The following PTCSC3 variants were observed in gnomAD, a reference collection of about 807,000 sequenced individuals.
The protein encoded by PTCSC3 is papillary thyroid carcinoma susceptibility candidate 3.
At position 36,138,964 on chromosome 14, in the gene PTCSC3, A is replaced by G. The variant is rs560685552; in HGVS notation, n.323-2608T>C. Among the ~76,000 whole-genome samples the G allele has an allele frequency of 1.7e-3, 257 of 152,098 alleles. 2 individuals carry two copies. The highest frequency in any genetic ancestry group is 2.0e-3 in the Non-Finnish European group (139 of 67,978). On this transcript the variant is annotated intron_variant and non_coding_transcript_variant, in intron 3 of 3. Coordinates refer to ENST00000556013, the Ensembl canonical transcript of PTCSC3. ...CCCGTCTCTACTAAAAATACAAAAA[A>G]TTAGCTGGGCGTGGTGGCAGGTGCC...
At chr14:36,150,315 AG>A (rs1370491963) in intron 3 of PTCSC3, among the ~76,000 whole-genome samples, 1 of 152,188 alleles carries the variant, frequency 6.6e-6, no homozygotes, top group Non-Finnish European at 1.5e-5. Context: ...AAGAGGCCCA[AG>A]GCACTTTGTT....
chr14:36,144,024 G>A (rs548625258), intron 3 of PTCSC3, among the ~76,000 whole-genome samples: 1 of 152,220 alleles, frequency 6.6e-6, no homozygotes, highest in East Asian at 1.9e-4. Context: ...CTATATATCT[G>A]TTTTGGTACC....
intron 3 of PTCSC3, among the ~76,000 whole-genome samples, chr14:36,137,364 G>C (rs184577540): frequency 1.6e-4 from 25 of 152,282 alleles, no homozygotes; most frequent in Admixed American, 6.5e-4. Context: ...GGGTCTTGCA[G>C]CTTATGTAAG....
chr14:36,175,391 TC>T (rs1259603340), intron 1 of PTCSC3, among the ~76,000 whole-genome samples: 1 of 152,204 alleles, frequency 6.6e-6, no homozygotes, highest in Non-Finnish European at 1.5e-5. Context: ...GTATCAGTCA[TC>T]CCATTATGGT....
chr14:36,136,092 A>C (rs1881281694), downstream of PTCSC3: 1 of 152,166 alleles, frequency 6.6e-6, no homozygotes, highest in Admixed American at 6.5e-5. Context: ...TGGGAGAAAG[A>C]TGTAGGCTCA....
intron 2 of PTCSC3, among the ~76,000 whole-genome samples, chr14:36,162,301 C>A (rs1881981512): frequency 6.7e-6 from 1 of 149,576 alleles, no homozygotes; most frequent in Admixed American, 6.6e-5. Flanking sequence ...GCAGCCAGCT[C>A]AGTGTCTGCC....
At chr14:36,157,390 G>C (rs1365040053) in intron 2 of PTCSC3, among the ~76,000 whole-genome samples, 1 of 152,134 alleles carries the variant, frequency 6.6e-6, no homozygotes, top group Non-Finnish European at 1.5e-5. Context: ...CTGTGCAGAA[G>C]CTCTTTAGTT....
At chr14:36,166,323 C>G (rs1049597461) in intron 1 of PTCSC3, among the ~76,000 whole-genome samples, 9 of 152,254 alleles carry the variant, frequency 5.9e-5, no homozygotes, top group South Asian at 2.1e-4. Flanking sequence ...AAACATATTC[C>G]TAGCAGAGTG....
rs565872932 is a variant in PTCSC3 at position 36,142,877 on chromosome 14, A to C, written n.323-6521T>G. Among the ~76,000 whole-genome samples the C allele has an allele frequency of 1.4e-3, 204 of 141,754 alleles. 1 individual carries two copies. The highest frequency in any genetic ancestry group is 5.2e-3 in the African/African-American group (196 of 37,650). The allele number at this position is 141,754 out of a possible 152,430, so 93.0% of individuals were successfully genotyped here. A position where few individuals can be genotyped will look rare whatever the true frequency, so the allele number is the denominator to read the frequency against. On this transcript the variant is annotated intron_variant and non_coding_transcript_variant, in intron 3 of 3. Coordinates refer to ENST00000556013, the Ensembl canonical transcript of PTCSC3. ...CTGTGTCCATGTGATTTCATTGTTCAGTTCCCACCTATGAGTGAGAATATG... is the reference window on the plus strand; with the variant it reads ...CTGTGTCCATGTGATTTCATTGTTCCGTTCCCACCTATGAGTGAGAATATG...
chr14:36,172,945 T>TTAA (rs1566512522), intron 1 of PTCSC3, among the ~76,000 whole-genome samples: 2 of 150,030 alleles, frequency 1.3e-5, no homozygotes, highest in East Asian at 3.8e-4. Context: ...AAACTTGCTT[T>TTAA]GTTTTTTTTT....
chr14:36,171,676 C>T (rs928743079), intron 1 of PTCSC3, among the ~76,000 whole-genome samples: 2 of 152,022 alleles, frequency 1.3e-5, no homozygotes, highest in Non-Finnish European at 1.5e-5. Flanking sequence ...CAGTTTCAAC[C>T]CCGGGGGAAA....
chr14:36,169,920 T>A (rs1038699063), intron 1 of PTCSC3, among the ~76,000 whole-genome samples: 6 of 152,178 alleles, frequency 3.9e-5, no homozygotes, highest in African/African-American at 1.2e-4. Context: ...TAAATACTTA[T>A]GGTACTATGT....
At chr14:36,152,902 AAAAAAAAAG>A (rs1881754334) in intron 3 of PTCSC3, among the ~76,000 whole-genome samples, 1 of 151,500 alleles carries the variant, frequency 6.6e-6, no homozygotes, top group African/African-American at 2.4e-5. Flanking sequence ...TCGAAAGGAA[AAAAAAAAAG>A]AAAGAAAGAA....
chr14:36,168,922 G>C (rs1161030263), intron 1 of PTCSC3, among the ~76,000 whole-genome samples: 1 of 152,128 alleles, frequency 6.6e-6, no homozygotes, highest in Non-Finnish European at 1.5e-5. Context: ...TGCCTGGCTA[G>C]AAAGATTTTA....
At chr14:36,167,689 C>T (rs1274076480) in intron 1 of PTCSC3, among the ~76,000 whole-genome samples, 1 of 152,090 alleles carries the variant, frequency 6.6e-6, no homozygotes, top group African/African-American at 2.4e-5. Flanking sequence ...TCATCCAACA[C>T]AATAAAATAA....
chr14:36,173,560 T>A (rs1882227004), intron 1 of PTCSC3, among the ~76,000 whole-genome samples: 1 of 142,874 alleles, frequency 7.0e-6, no homozygotes. Context: ...GACAGTTAAC[T>A]CTTAGGTAGA....
At chr14:36,170,760 A>G (rs1882178047) in intron 1 of PTCSC3, among the ~76,000 whole-genome samples, 1 of 152,060 alleles carries the variant, frequency 6.6e-6, no homozygotes, top group African/African-American at 2.4e-5. Context: ...TGGTCTAGGA[A>G]ATAAAGGGGC....
intron 1 of PTCSC3, among the ~76,000 whole-genome samples, chr14:36,167,310 TC>T (rs1882108734): frequency 6.6e-6 from 1 of 152,176 alleles, no homozygotes; most frequent in South Asian, 2.1e-4. Context: ...AGGTTTTTTT[TC>T]CCTTTCTCTG....
chr14:36,140,947 A>G (rs1027345426), intron 3 of PTCSC3, among the ~76,000 whole-genome samples: 2 of 152,136 alleles, frequency 1.3e-5, no homozygotes, highest in Non-Finnish European at 1.5e-5. Flanking sequence ...TGAGGGGGGA[A>G]TACAAATGTC....
Sources: allele counts gnomAD v4.1 joint callset (sites outside exome capture counted in the v4.1 genomes callset), GRCh38; gene constraint gnomAD v4.1.1; transcripts MANE v1.5; gene names NCBI Gene and HGNC (gene_info 2026-07-23, HGNC 2026-07-21).